HEMK2: variants seen among roughly 807,000 people sequenced by gnomAD.
The protein encoded by HEMK2 is methyltransferase HEMK2.
At chr21:28,748,563 T>C in the HEMK2 span, among the ~76,000 whole-genome samples, 1 of 152,188 alleles carries the variant, frequency 6.6e-6, no homozygotes, top group African/African-American at 2.4e-5. Context: ...TCTGTGAGGT[T>C]TGGGGATTAT....
At chr21:28,825,834 C>T in the HEMK2 span, among the ~76,000 whole-genome samples, 21 of 152,326 alleles carry the variant, frequency 1.4e-4, no homozygotes, top group African/African-American at 5.1e-4. Flanking sequence ...AGAAACCCCT[C>T]AGTCCTAAGA....
chr21:28,789,724 A>G, the HEMK2 span, among the ~76,000 whole-genome samples: 1 of 152,214 alleles, frequency 6.6e-6, no homozygotes. Flanking sequence ...CCCACATATG[A>G]CATATACTTG....
the HEMK2 span, among the ~76,000 whole-genome samples, chr21:28,810,859 T>C: frequency 6.6e-6 from 1 of 152,280 alleles, no homozygotes; most frequent in Admixed American, 6.5e-5. Context: ...TGCTCCCCAA[T>C]GGAAACCAGC....
At chr21:28,876,321 G>A in the HEMK2 span, 1 of 1,118,460 alleles carries the variant, frequency 8.9e-7, no homozygotes, top group Middle Eastern at 2.2e-4. Flanking sequence ...CCTAATGAAT[G>A]ACTTCAGTTT....
chr21:28,845,215 T>C, the HEMK2 span, among the ~76,000 whole-genome samples: 11 of 152,230 alleles, frequency 7.2e-5, no homozygotes, highest in South Asian at 2.1e-4. Context: ...TATCAAACAA[T>C]TGATTCATTT....
chr21:28,796,463 GAT>G, the HEMK2 span, among the ~76,000 whole-genome samples: 1 of 152,118 alleles, frequency 6.6e-6, no homozygotes, highest in Admixed American at 6.5e-5. Context: ...TTAAATCTGG[GAT>G]ATATGTTCCA....
chr21:28,626,504 C>T, the HEMK2 span: 414 of 152,132 alleles, frequency 2.7e-3, 5 homozygotes, highest in African/African-American at 9.6e-3. Flanking sequence ...TATTACAATA[C>T]ATAAAGAACT....
At chr21:28,613,510 T>C in the HEMK2 span, among the ~76,000 whole-genome samples, 3 of 151,780 alleles carry the variant, frequency 2.0e-5, no homozygotes, top group Non-Finnish European at 4.4e-5. Context: ...AACCATTGTA[T>C]AGAGAGATTA....
the HEMK2 span, among the ~76,000 whole-genome samples, chr21:28,616,510 A>G: frequency 6.6e-6 from 1 of 152,308 alleles, no homozygotes; most frequent in African/African-American, 2.4e-5. Flanking sequence ...GATTTTTAAG[A>G]AACTGTAGTT....
the HEMK2 span, among the ~76,000 whole-genome samples, chr21:28,839,002 CATAT>C: frequency 5.9e-5 from 2 of 33,660 alleles, no homozygotes; most frequent in African/African-American, 2.8e-4. Context: ...TATATATATA[CATAT>C]ATATACACAA....
chr21:28,883,052 C>T, the HEMK2 span: 10 of 1,603,218 alleles, frequency 6.2e-6, no homozygotes, highest in Non-Finnish European at 4.3e-6. Context: ...CCTGACCCTA[C>T]TTCCAGGCAT....
At chr21:28,811,791 A>T in the HEMK2 span, among the ~76,000 whole-genome samples, 1 of 152,228 alleles carries the variant, frequency 6.6e-6, no homozygotes, top group Admixed American at 6.5e-5. Flanking sequence ...CAGGATTTCC[A>T]TGAATAAATG....
At chr21:28,857,673 GTTA>G in the HEMK2 span, among the ~76,000 whole-genome samples, 1 of 152,010 alleles carries the variant, frequency 6.6e-6, no homozygotes, top group Non-Finnish European at 1.5e-5. Context: ...AACCTTGTCT[GTTA>G]TTAATATTGC....
the HEMK2 span, chr21:28,872,116 T>C: frequency 1.3e-5 from 2 of 152,168 alleles, no homozygotes; most frequent in Non-Finnish European, 2.9e-5. Flanking sequence ...TGATGCAGGA[T>C]TTTTTGCTCC....
the HEMK2 span, among the ~76,000 whole-genome samples, chr21:28,613,616 A>ATTTTTTT: frequency 4.3e-5 from 2 of 47,026 alleles, no homozygotes; most frequent in Non-Finnish European, 7.3e-5. Flanking sequence ...CTTTCTGCAT[A>ATTTTTTT]TTCTTTTTTT....
At chr21:28,720,484 G>C in the HEMK2 span, among the ~76,000 whole-genome samples, 1 of 152,174 alleles carries the variant, frequency 6.6e-6, no homozygotes, top group African/African-American at 2.4e-5. Context: ...TGTTATTCTA[G>C]CACTTTGGGA....
the HEMK2 span, among the ~76,000 whole-genome samples, chr21:28,683,063 T>C: frequency 1.3e-5 from 2 of 151,086 alleles, no homozygotes; most frequent in Non-Finnish European, 3.0e-5. Flanking sequence ...AATAAAAAAA[T>C]TAAATTAAAA....
At chr21:28,789,302 G>T in the HEMK2 span, among the ~76,000 whole-genome samples, 1 of 152,010 alleles carries the variant, frequency 6.6e-6, no homozygotes, top group Non-Finnish European at 1.5e-5. Context: ...TGTAAGATTG[G>T]CTGTGAGGTG....
chr21:28,698,208 T>C, the HEMK2 span, among the ~76,000 whole-genome samples: 1 of 152,210 alleles, frequency 6.6e-6, no homozygotes, highest in East Asian at 1.9e-4. Context: ...AACTTTTAGC[T>C]GGAGCATGAG....
Sources: gnomAD v4.1 joint callset for allele counts (sites outside exome capture counted in the v4.1 genomes callset) on GRCh38, gnomAD v4.1.1 for gene constraint, MANE v1.5 for transcripts, NCBI Gene and HGNC (gene_info 2026-07-23, HGNC 2026-07-21) for gene names.